PLGRKT: variants seen among roughly 807,000 people sequenced by gnomAD.
The protein encoded by PLGRKT is plasminogen receptor (KT).
A neutral mutation model predicts 18.5 loss-of-function variants in PLGRKT; 22 were observed. The observed-to-expected ratio is 1.19, with a 90% confidence interval of 0.85 to 1.70. The LOEUF is 1.70. Ranked by LOEUF, PLGRKT falls within the 40% of genes most tolerant of loss-of-function variation. The pLI is 0.00. For missense variants in PLGRKT, 235 were observed against 174.4 expected, an observed-to-expected ratio of 1.35 and a Z score of -1.96; for synonymous variants, 72 against 52.8, an observed-to-expected ratio of 1.36 and a Z score of -1.58.
intron 2 of PLGRKT, 80 bp from the exon 3 acceptor site, chr9:5,432,063 G>T: frequency 1.5e-6 from 1 of 675,704 alleles, no homozygotes; most frequent in Non-Finnish European, 2.7e-6. Context: ...GCTACCTTGG[G>T]CTTATGACAA....
chr9:5,391,931 T>C (rs1221930957), intron 3 of PLGRKT, among the ~76,000 whole-genome samples: 2 of 151,896 alleles, frequency 1.3e-5, no homozygotes, highest in African/African-American at 4.9e-5. Context: ...TTCCTCTCAG[T>C]TGAACAATTC....
intron 3 of PLGRKT, among the ~76,000 whole-genome samples, chr9:5,397,322 T>G (rs1818069106): frequency 6.6e-6 from 1 of 151,948 alleles, no homozygotes; most frequent in African/African-American, 2.4e-5. Flanking sequence ...AAATACTTCT[T>G]TCCAAAGGCA....
intron 3 of PLGRKT, among the ~76,000 whole-genome samples, chr9:5,402,990 C>A (rs1476457582): frequency 1.3e-5 from 2 of 151,684 alleles, no homozygotes; most frequent in African/African-American, 4.9e-5. Context: ...ATAGAACAGA[C>A]CAAACCCTAG....
intron 3 of PLGRKT, among the ~76,000 whole-genome samples, chr9:5,395,006 C>T (rs1329967992): frequency 1.3e-5 from 2 of 151,108 alleles, no homozygotes; most frequent in Non-Finnish European, 2.9e-5. Flanking sequence ...TGAAAGATTC[C>T]GACTTTTTTG....
chr9:5,377,726 A>T (rs1817657229), intron 3 of PLGRKT, among the ~76,000 whole-genome samples: 1 of 152,132 alleles, frequency 6.6e-6, no homozygotes, highest in African/African-American at 2.4e-5. Context: ...ATACCTACCC[A>T]CGTAACAACA....
intron 3 of PLGRKT, among the ~76,000 whole-genome samples, chr9:5,413,162 C>T (rs1283251666): frequency 6.6e-6 from 1 of 152,180 alleles, no homozygotes. Flanking sequence ...GTAGCAATAT[C>T]TAACAAGTAC....
chr9:5,379,361 TA>T (rs1817692529), intron 3 of PLGRKT, among the ~76,000 whole-genome samples: 1 of 152,214 alleles, frequency 6.6e-6, no homozygotes, highest in Non-Finnish European at 1.5e-5. Context: ...CATATAAAGT[TA>T]CTACAGAGAT....
At chr9:5,401,348 T>C (rs1388347734) in intron 3 of PLGRKT, among the ~76,000 whole-genome samples, 1 of 152,004 alleles carries the variant, frequency 6.6e-6, no homozygotes, top group Non-Finnish European at 1.5e-5. Context: ...CATTAATTTG[T>C]TCACATTAAA....
chr9:5,377,395 AT>A (rs1167103259), intron 3 of PLGRKT, among the ~76,000 whole-genome samples: 21 of 152,238 alleles, frequency 1.4e-4, no homozygotes, highest in African/African-American at 5.1e-4. Flanking sequence ...ATACTAAAAA[AT>A]ACATTAAAAA....
intron 3 of PLGRKT, chr9:5,381,970 A>G (rs1817755736): frequency 1.0e-6 from 1 of 985,148 alleles, no homozygotes; most frequent in Non-Finnish European, 1.2e-6. Context: ...TCTCAAGCAC[A>G]AGGCACTCCT....
At chr9:5,374,661 G>T (rs750504591) in intron 3 of PLGRKT, among the ~76,000 whole-genome samples, 1 of 152,144 alleles carries the variant, frequency 6.6e-6, no homozygotes, top group Non-Finnish European at 1.5e-5. Flanking sequence ...TCATGGTGCA[G>T]GTTATTTCCA....
intron 3 of PLGRKT, among the ~76,000 whole-genome samples, chr9:5,415,253 G>A (rs1257454172): frequency 1.3e-5 from 2 of 152,128 alleles, no homozygotes; most frequent in African/African-American, 2.4e-5. Context: ...AATCTGGGCC[G>A]CAAAATAAAT....
intron 5 of PLGRKT, among the ~76,000 whole-genome samples, chr9:5,359,644 T>C (rs1251819947): frequency 6.6e-6 from 1 of 152,318 alleles, no homozygotes; most frequent in East Asian, 1.9e-4. Context: ...GTCATCACTA[T>C]TAACATGGAA....
At chr9:5,370,877 A>G (rs1177268086) in intron 3 of PLGRKT, among the ~76,000 whole-genome samples, 4 of 152,224 alleles carry the variant, frequency 2.6e-5, no homozygotes, top group Admixed American at 1.3e-4. Context: ...TAAATGTTCA[A>G]TGTCCAGTCT....
intron 3 of PLGRKT, among the ~76,000 whole-genome samples, chr9:5,412,366 T>G (rs1586734820): frequency 2.0e-5 from 3 of 152,178 alleles, no homozygotes. Flanking sequence ...TTTGAATGTG[T>G]CCCCCCAAAG....
chr9:5,383,909 G>A (rs1368047985), intron 3 of PLGRKT, among the ~76,000 whole-genome samples: 1 of 152,204 alleles, frequency 6.6e-6, no homozygotes, highest in Non-Finnish European at 1.5e-5. Context: ...TATTGAGCCA[G>A]GGAATGGAGG....
chr9:5,418,305 TC>T lies in PLGRKT; in HGVS notation c.81+13591del. 1 of 526,836 alleles carries T rather than the reference TC, an allele frequency of 1.9e-6. No individual in the cohort carries two copies. The highest frequency in any genetic ancestry group is 3.6e-6 in the Non-Finnish European group (1 of 276,784). 32.6% of individuals were successfully genotyped at this position (526,836 alleles called of 1,614,324 possible). ...TCGCCCCCTCATCTTCTCACTGGGATCTCATCACCAATGTGCTCAACCCCTA... is the reference window on the plus strand; with the variant it reads ...TCGCCCCCTCATCTTCTCACTGGGATTCATCACCAATGTGCTCAACCCCTA... On this transcript the variant is annotated intron_variant, in intron 3 of 5. Coordinates refer to ENST00000223864, the MANE Select transcript of PLGRKT (RefSeq NM_018465.4). This position sits in a 1 kb window ranked among gnomAD's most constrained non-coding sequence, Gnocchi z 4.2.
intron 2 of PLGRKT, among the ~76,000 whole-genome samples, chr9:5,435,778 T>C (rs1010121686): frequency 6.6e-6 from 1 of 152,224 alleles, no homozygotes; most frequent in African/African-American, 2.4e-5. Flanking sequence ...CTTTTCTCTT[T>C]AATAGGCTGT....
intron 3 of PLGRKT, among the ~76,000 whole-genome samples, chr9:5,416,332 A>T (rs1420013626): frequency 1.3e-5 from 2 of 152,186 alleles, no homozygotes; most frequent in Non-Finnish European, 2.9e-5. Context: ...GAAACAAGAC[A>T]TGTAGAAGTC....
Sources: allele counts gnomAD v4.1 joint callset (sites outside exome capture counted in the v4.1 genomes callset), GRCh38; gene constraint gnomAD v4.1.1; non-coding constraint Gnocchi (gnomAD v3.1); transcripts MANE v1.5; gene names NCBI Gene and HGNC (gene_info 2026-07-23, HGNC 2026-07-21).